Variants in ATP13A4 observed in about 807,000 individuals in gnomAD.
ATP13A4 encodes ATPase 13A4.
ATP13A4 carries 114 observed loss-of-function variants against 142.5 expected under a neutral mutation model. The ratio of observed to expected loss-of-function variants is 0.80; its 90% confidence interval spans 0.69 to 0.93. The LOEUF is 0.93. ATP13A4 is among the 40% of genes least tolerant of loss of function. The probability of loss-of-function intolerance (pLI) is 0.00; values close to 1 mark genes in which losing one functional copy is unlikely to be tolerated. For missense variants in ATP13A4, 1,392 were observed against 1,454.0 expected, an observed-to-expected ratio of 0.96 and a Z score of 0.69; for synonymous variants, 488 against 514.8, an observed-to-expected ratio of 0.95 and a Z score of 0.70.
intron 1 of ATP13A4, among the ~76,000 whole-genome samples, chr3:193,550,733 CA>C (rs1411297255): frequency 6.6e-6 from 1 of 152,066 alleles, no homozygotes; most frequent in Non-Finnish European, 1.5e-5. Flanking sequence ...GAAAAGAATT[CA>C]AAGGTTTTTT....
Position 193,448,232 on chromosome 3 carries a change from G to C in ATP13A4, c.2126C>G (p.Ala709Gly). 1 of 1,614,010 alleles carries C rather than the reference G, an allele frequency of 6.2e-7. No individual in the cohort carries two copies. Among genetic ancestry groups the C allele is most frequent in the Non-Finnish European group, 8.5e-7 (1 of 1,179,990 alleles). Residue 709 changes from alanine to glycine, a missense_variant, in exon 18 of 30, where the codon GCC (alanine) becomes GGC (glycine). Transcript: ENST00000342695. The stretch of plus-strand genomic sequence containing the variant: ...TGTGATCATTACAGTCCTTATCCGG[G>C]CTGAGATGAGCTCTTCCAAGACAGG... ...TKPVLEELISARIRTVMITGD... is the reference protein window; with the variant it reads ...TKPVLEELISGRIRTVMITGD...
chr3:193,412,369 G>C lies in ATP13A4; in HGVS notation c.3017C>G (p.Ala1006Gly). ...QPWYSVEIHS[A>G]CTVQNESISE... is the part of the protein sequence containing the mutation. ...GATGCTTTCATTTTGTACTGTGCAG[G>C]CACTAAAAGGGAAAACCAAAGAAGC... Residue 1006 changes from alanine to glycine, a missense_variant and splice_region_variant, in exon 27 of 30, where the codon GCC becomes GGC. Physicochemically the swap from Ala to Gly is moderately conservative, Grantham distance 60. Transcript: ENST00000342695. 1 of 1,613,896 alleles carries C rather than the reference G, an allele frequency of 6.2e-7. No homozygotes were observed.
chr3:193,405,500 C>T (rs1391739236), intron 29 of ATP13A4, among the ~76,000 whole-genome samples: 1 of 152,192 alleles, frequency 6.6e-6, no homozygotes, highest in Non-Finnish European at 1.5e-5. Flanking sequence ...GCTGTGGCCT[C>T]TCCTTCCATT....
At chr3:193,512,461 G>A (rs1475168736) in intron 2 of ATP13A4, among the ~76,000 whole-genome samples, 7 of 152,148 alleles carry the variant, frequency 4.6e-5, no homozygotes, top group African/African-American at 1.4e-4. Flanking sequence ...TACATCAAAT[G>A]TCTAGGTCTC....
intron 24 of ATP13A4, 71 bp downstream of exon 24, chr3:193,435,577 A>G (rs749768984): frequency 5.1e-6 from 6 of 1,165,124 alleles, no homozygotes; most frequent in Non-Finnish European, 7.8e-6. Flanking sequence ...TTTGAGAGGC[A>G]TTGTAAATTG....
intron 26 of ATP13A4, among the ~76,000 whole-genome samples, chr3:193,414,257 G>T (rs1259896925): frequency 1.3e-5 from 2 of 152,126 alleles, no homozygotes; most frequent in Non-Finnish European, 2.9e-5. Flanking sequence ...ATTTCACTGG[G>T]ACATCACTTA....
intron 1 of ATP13A4, among the ~76,000 whole-genome samples, chr3:193,538,860 G>A (rs982994675): frequency 6.6e-6 from 1 of 151,288 alleles, no homozygotes; most frequent in Admixed American, 6.6e-5. Context: ...GACAAATGGA[G>A]GTGGCTATTT....
intron 1 of ATP13A4, among the ~76,000 whole-genome samples, chr3:193,539,740 G>C (rs1012071671): frequency 6.6e-6 from 1 of 152,100 alleles, no homozygotes; most frequent in African/African-American, 2.4e-5. Context: ...CTACCTAATG[G>C]GGTTATTGTG....
At chr3:193,487,867 C>T (rs186567997) in intron 7 of ATP13A4, among the ~76,000 whole-genome samples, 12 of 152,270 alleles carry the variant, frequency 7.9e-5, no homozygotes, top group African/African-American at 2.9e-4. Context: ...AGACTAGAAA[C>T]AACCAAATAC....
At chr3:193,537,016 A>C (rs1722624763) in intron 1 of ATP13A4, among the ~76,000 whole-genome samples, 1 of 152,240 alleles carries the variant, frequency 6.6e-6, no homozygotes. Flanking sequence ...AAACATAGTA[A>C]AGATTTTAAT....
At chr3:193,500,623 G>A (rs1371484245) in intron 3 of ATP13A4, among the ~76,000 whole-genome samples, 1 of 152,174 alleles carries the variant, frequency 6.6e-6, no homozygotes, top group African/African-American at 2.4e-5. Flanking sequence ...TGCTGCTGCT[G>A]ACCTGACAGG....
chr3:193,545,107 A>G (rs960480372), intron 1 of ATP13A4, among the ~76,000 whole-genome samples: 1 of 152,204 alleles, frequency 6.6e-6, no homozygotes, highest in Admixed American at 6.5e-5. Flanking sequence ...ATAGTCTCAG[A>G]TCTCTCCATC....
chr3:193,535,578 A>G (rs1722550848), intron 1 of ATP13A4, among the ~76,000 whole-genome samples: 1 of 152,200 alleles, frequency 6.6e-6, no homozygotes, highest in African/African-American at 2.4e-5. Flanking sequence ...TGCATATATT[A>G]GAAAAAATAA....
At chr3:193,490,690 G>T (rs574310633) in intron 6 of ATP13A4, among the ~76,000 whole-genome samples, 2 of 152,092 alleles carry the variant, frequency 1.3e-5, no homozygotes, top group Non-Finnish European at 2.9e-5. Context: ...ATTCCCTATT[G>T]GTTTGTTTTA....
In ATP13A4 at chr3:193,424,735, T is replaced by C. The variant is rs1034897624; in HGVS notation, c.2842+9110A>G. 4.7e-5 allele frequency among the ~76,000 whole-genome samples: 7 copies of C among 149,496 alleles called. 1 individual carries two copies. The highest frequency in any genetic ancestry group is 1.5e-4 in the African/African-American group (6 of 40,792). On this transcript the variant is annotated intron_variant, in intron 25 of 29. Transcript: ENST00000342695. ...TATAAAACTGCTAAACAAAAACATATGAAAAATGTTTCATGGTTTTGATTT... is the reference window on the plus strand; with the variant it reads ...TATAAAACTGCTAAACAAAAACATACGAAAAATGTTTCATGGTTTTGATTT...
At chr3:193,471,337 A>G (rs1325445172) in intron 8 of ATP13A4, among the ~76,000 whole-genome samples, 1 of 152,130 alleles carries the variant, frequency 6.6e-6, no homozygotes, top group African/African-American at 2.4e-5. Flanking sequence ...CCAATGCGGG[A>G]GAATCACTTG....
intron 2 of ATP13A4, 77 bp downstream of exon 2, chr3:193,514,621 C>T (rs1721308041): frequency 1.3e-6 from 2 of 1,582,246 alleles, no homozygotes; most frequent in East Asian, 4.5e-5. Context: ...TTGTGCACAT[C>T]TCCCCCCAGC....
intron 29 of ATP13A4, among the ~76,000 whole-genome samples, chr3:193,405,216 A>G (rs949057841): frequency 1.3e-5 from 2 of 152,218 alleles, no homozygotes; most frequent in Non-Finnish European, 2.9e-5. Flanking sequence ...ACTTCCTGCT[A>G]GAGGATTAAG....
chr3:193,465,085 G>A lies in ATP13A4; in HGVS notation c.1316C>T (p.Thr439Ile), dbSNP rs1237107848. ...AGGTAGAGCCGGAGGAACCGCAATTGTGATGACGTCAAGGGCTTTCCTCAC... is the reference window on the plus strand; with the variant it reads ...AGGTAGAGCCGGAGGAACCGCAATTATGATGACGTCAAGGGCTTTCCTCAC... ...EVVRKALDVI[T>I]IAVPPALPAA... Residue 439 changes from threonine (T) to isoleucine (I), a missense_variant, in exon 12 of 30, where the codon ACA (threonine) becomes ATA (isoleucine). Coordinates refer to ENST00000342695, the MANE Select transcript of ATP13A4 (RefSeq NM_032279.4). 2 of 1,614,124 alleles carry A rather than the reference G, an allele frequency of 1.2e-6. No individual in the cohort carries two copies. Among genetic ancestry groups the A allele is most frequent in the East Asian group, 2.2e-5 (1 of 44,882 alleles).
Sources: allele counts gnomAD v4.1 joint callset (sites outside exome capture counted in the v4.1 genomes callset), GRCh38; gene constraint gnomAD v4.1.1; transcripts MANE v1.5; gene names NCBI Gene and HGNC (gene_info 2026-07-23, HGNC 2026-07-21).